The following PAK5 variants were observed in gnomAD, a reference collection of about 807,000 sequenced individuals.
PAK5 encodes serine/threonine-protein kinase PAK 5.
PAK5 carries 16 observed loss-of-function variants against 65.9 expected under a neutral mutation model. The ratio of observed to expected loss-of-function variants is 0.24; its 90% confidence interval spans 0.16 to 0.37. The LOEUF (loss-of-function observed/expected upper bound fraction) is 0.37, where lower values mean the gene tolerates loss of function less well. Among genes scored for constraint, PAK5 ranks in the 10% least tolerant of loss-of-function variants. The pLI is 1.00. For synonymous variants in PAK5, 371 were observed against 354.9 expected, an observed-to-expected ratio of 1.05 and a Z score of -0.51; for missense variants, 785 against 903.9, an observed-to-expected ratio of 0.87 and a Z score of 1.69.
chr20:9,554,635 T>C (rs187130732), intron 7 of PAK5, among the ~76,000 whole-genome samples: 3 of 152,356 alleles, frequency 2.0e-5, no homozygotes, highest in African/African-American at 7.2e-5. Flanking sequence ...TTCTCCACTA[T>C]ATAATGTTGT....
intron 3 of PAK5, among the ~76,000 whole-genome samples, chr20:9,640,824 T>G (rs1020449870): frequency 2.6e-5 from 4 of 151,914 alleles, no homozygotes; most frequent in African/African-American, 9.7e-5. Context: ...GGGCTCGTGG[T>G]CTCGCTGGGC....
At chr20:9,651,113 T>C (rs2047197413) in intron 2 of PAK5, among the ~76,000 whole-genome samples, 1 of 152,220 alleles carries the variant, frequency 6.6e-6, no homozygotes, top group Admixed American at 6.5e-5. Flanking sequence ...GGACCCGGAC[T>C]TCCTGGATCT....
chr20:9,836,681 A>T (rs765295573), intron 1 of PAK5, among the ~76,000 whole-genome samples: 6 of 152,158 alleles, frequency 3.9e-5, no homozygotes, highest in Non-Finnish European at 8.8e-5. Context: ...AAACTAATAT[A>T]GTTGGGAAAT....
chr20:9,830,001 C>G (rs1978581129), intron 1 of PAK5, among the ~76,000 whole-genome samples: 1 of 152,144 alleles, frequency 6.6e-6, no homozygotes, highest in Admixed American at 6.5e-5. Flanking sequence ...TTTTTCAACC[C>G]CCACTGGGCC....
chr20:9,709,957 G>A (rs1045607822), intron 2 of PAK5, among the ~76,000 whole-genome samples: 2 of 152,162 alleles, frequency 1.3e-5, no homozygotes, highest in African/African-American at 2.4e-5. Flanking sequence ...CTGCACAGAG[G>A]ATAAGTTTCT....
At chr20:9,618,776 A>G (rs1250035382) in intron 3 of PAK5, among the ~76,000 whole-genome samples, 3 of 151,764 alleles carry the variant, frequency 2.0e-5, no homozygotes, top group African/African-American at 7.3e-5. Context: ...CAGTTCTATA[A>G]GTACAAGCAA....
At chr20:9,596,030 A>T (rs1052516352) in intron 3 of PAK5, among the ~76,000 whole-genome samples, 5 of 152,222 alleles carry the variant, frequency 3.3e-5, no homozygotes, top group Non-Finnish European at 7.3e-5. Flanking sequence ...CTGTTGAACT[A>T]TGTAATTTGC....
At chr20:9,782,488 G>T (rs2048950852) in intron 1 of PAK5, among the ~76,000 whole-genome samples, 1 of 152,174 alleles carries the variant, frequency 6.6e-6, no homozygotes, top group Non-Finnish European at 1.5e-5. Flanking sequence ...TGATGTCAGG[G>T]ATATTAAAAT....
chr20:9,568,799 T>G (rs1010627719), intron 4 of PAK5, among the ~76,000 whole-genome samples: 3 of 152,064 alleles, frequency 2.0e-5, no homozygotes, highest in Non-Finnish European at 2.9e-5. Context: ...ACCACTGCAC[T>G]CCAGCCTGGA....
intron 1 of PAK5, among the ~76,000 whole-genome samples, chr20:9,798,586 T>G (rs1278143483): frequency 6.6e-6 from 1 of 152,134 alleles, no homozygotes; most frequent in African/African-American, 2.4e-5. Flanking sequence ...GTGCAGTTAG[T>G]GCATGTGAGA....
At chr20:9,575,199 T>G (rs2045865186) in intron 4 of PAK5, among the ~76,000 whole-genome samples, 1 of 152,038 alleles carries the variant, frequency 6.6e-6, no homozygotes, top group African/African-American at 2.4e-5. Context: ...CCTTTTTGTT[T>G]TGTTTTGTTT....
chr20:9,815,260 C>T (rs2049343549), intron 1 of PAK5, among the ~76,000 whole-genome samples: 1 of 152,160 alleles, frequency 6.6e-6, no homozygotes, highest in Non-Finnish European at 1.5e-5. Flanking sequence ...CCAAACAAAC[C>T]ATATCCAAAC....
intron 2 of PAK5, among the ~76,000 whole-genome samples, chr20:9,672,003 C>T (rs1030278643): frequency 1.3e-5 from 2 of 151,948 alleles, no homozygotes; most frequent in African/African-American, 2.4e-5. Context: ...AGCTTTGTTC[C>T]TAGTCTCTGA....
At chr20:9,730,436 C>A (rs140968998) in intron 1 of PAK5, among the ~76,000 whole-genome samples, 11 of 152,154 alleles carry the variant, frequency 7.2e-5, no homozygotes, top group African/African-American at 9.7e-5. Context: ...TTCTGTGGAA[C>A]CTTCTGCTTT....
At chr20:9,557,179 C>T (rs1461545025) in intron 7 of PAK5, among the ~76,000 whole-genome samples, 1 of 152,134 alleles carries the variant, frequency 6.6e-6, no homozygotes, top group Non-Finnish European at 1.5e-5. Context: ...TGTAAACTGT[C>T]CTTTATTACA....
At chr20:9,837,934 T>C (rs1979279584) in intron 1 of PAK5, among the ~76,000 whole-genome samples, 1 of 152,196 alleles carries the variant, frequency 6.6e-6, no homozygotes, top group Admixed American at 6.5e-5. Flanking sequence ...ATATCTAATG[T>C]TGACAAATTA....
At chr20:9,776,109 C>T (rs2048884541) in intron 1 of PAK5, among the ~76,000 whole-genome samples, 1 of 152,054 alleles carries the variant, frequency 6.6e-6, no homozygotes, top group African/African-American at 2.4e-5. Flanking sequence ...TGAAGAAGTG[C>T]TTTATATATG....
chr20:9,565,774 T>C (rs1175889450), intron 5 of PAK5, 119 bp downstream of exon 5: 1 of 1,035,834 alleles, frequency 9.7e-7, no homozygotes, highest in Non-Finnish European at 1.4e-6. Flanking sequence ...GGGGACGCTA[T>C]TTTTGTCTTT....
At chr20:9,751,322 A>G (rs1055575513) in intron 1 of PAK5, among the ~76,000 whole-genome samples, 1 of 152,080 alleles carries the variant, frequency 6.6e-6, no homozygotes, top group African/African-American at 2.4e-5. Flanking sequence ...CTCACAATGT[A>G]TTTCCCAAGG....
Sources: allele counts gnomAD v4.1 joint callset (sites outside exome capture counted in the v4.1 genomes callset), GRCh38; gene constraint gnomAD v4.1.1; transcripts MANE v1.5; gene names NCBI Gene and HGNC (gene_info 2026-07-23, HGNC 2026-07-21).